Variants in MYO1E observed in about 807,000 individuals in gnomAD.
The protein encoded by MYO1E is unconventional myosin-Ie.
MYO1E carries 68 observed loss-of-function variants against 151.1 expected under a neutral mutation model. The ratio of observed to expected loss-of-function variants is 0.45; its 90% confidence interval spans 0.37 to 0.55. MYO1E has a LOEUF of 0.55. Ranked by LOEUF, MYO1E falls within the 20% of genes least tolerant of loss-of-function variation. The pLI is 0.00. For missense variants in MYO1E, 1,363 were observed against 1,389.3 expected, an observed-to-expected ratio of 0.98 and a Z score of 0.30; for synonymous variants, 601 against 501.7, an observed-to-expected ratio of 1.20 and a Z score of -2.64.
intron 7 of MYO1E, among the ~76,000 whole-genome samples, chr15:59,227,016 T>C (rs995378624): frequency 7.9e-5 from 12 of 152,228 alleles, no homozygotes; most frequent in Admixed American, 1.3e-4. Flanking sequence ...ACGCCTGCCC[T>C]GCAGGCAGGC....
chr15:59,271,999 A>G (rs1194092590), intron 2 of MYO1E, among the ~76,000 whole-genome samples: 1 of 152,274 alleles, frequency 6.6e-6, no homozygotes, highest in African/African-American at 2.4e-5. Context: ...AGCCTGAACC[A>G]AGTGATATAA....
chr15:59,141,664 G>A (rs1350883603), intron 26 of MYO1E, among the ~76,000 whole-genome samples: 2 of 152,038 alleles, frequency 1.3e-5, no homozygotes, highest in African/African-American at 4.8e-5. Flanking sequence ...TGGGCGTGAC[G>A]GTGCATGCCT....
Position 59,372,509 on chromosome 15 carries a change from G to C in MYO1E, c.-9C>G. 4 of 1,536,394 alleles carry C rather than the reference G, an allele frequency of 2.6e-6. No individual in the cohort carries two copies. The highest frequency in any genetic ancestry group is 2.5e-5 in the East Asian group (1 of 40,612). Reference sequence around the variant, plus strand: ...CGCGGCCAACTCACCATGGTGACTCGCGCCGCGGTCGCGTCTTCGCCGGGT... The same window carrying C: ...CGCGGCCAACTCACCATGGTGACTCCCGCCGCGGTCGCGTCTTCGCCGGGT... On this transcript the variant is annotated 5_prime_UTR_variant, in exon 1 of 28. Coordinates refer to ENST00000288235, the MANE Select transcript of MYO1E (RefSeq NM_004998.4).
chr15:59,144,359 G>A (rs777113360), intron 26 of MYO1E, among the ~76,000 whole-genome samples: 3 of 151,944 alleles, frequency 2.0e-5, no homozygotes, highest in East Asian at 1.9e-4. Flanking sequence ...TAGACACGGG[G>A]TTTCACTATG....
chr15:59,203,804 G>A (rs552627026), intron 15 of MYO1E, among the ~76,000 whole-genome samples: 1 of 152,216 alleles, frequency 6.6e-6, no homozygotes, highest in Admixed American at 6.5e-5. Context: ...ATGGTGCACA[G>A]TTGGTCCATA....
intron 1 of MYO1E, among the ~76,000 whole-genome samples, chr15:59,306,608 G>A (rs2080516258): frequency 6.6e-6 from 1 of 152,256 alleles, no homozygotes; most frequent in Non-Finnish European, 1.5e-5. Context: ...TGCTAAATTT[G>A]TGAGTGCCAA....
Position 59,368,832 on chromosome 15 carries a change from G to A in MYO1E, c.3+3666C>T, listed in dbSNP as rs532192507. 2.6e-5 allele frequency among the ~76,000 whole-genome samples: 4 copies of A among 152,156 alleles called. No homozygotes were observed. In the South Asian group the frequency reaches 8.3e-4, roughly 32 times the overall value. On this transcript the variant is annotated intron_variant, in intron 1 of 27. Coordinates refer to ENST00000288235, the MANE Select transcript of MYO1E (RefSeq NM_004998.4). ...TGACTTTCAACTTCAGTAAATGTCT[G>A]CTTCTTATACTTCTCCATCCCTCTC...
chr15:59,142,062 G>A lies in MYO1E; in HGVS notation c.3081-3695C>T, dbSNP rs146844130. Among the ~76,000 whole-genome samples the A allele has an allele frequency of 9.6e-3, 1,459 of 151,818 alleles. 27 individuals are homozygous for A. The highest frequency in any genetic ancestry group is 0.037 in the East Asian group (189 of 5,138). The stretch of plus-strand genomic sequence containing the variant: ...GCGGAGCTTGCAGTGAGCCGAGAGC[G>A]TGCCACTGCACTCCAGCCTGGGAAA... On this transcript the variant is annotated intron_variant, in intron 26 of 27. Transcript: ENST00000288235.
chr15:59,251,631 G>A (rs1465215353), intron 4 of MYO1E, among the ~76,000 whole-genome samples: 1 of 152,118 alleles, frequency 6.6e-6, no homozygotes, highest in Non-Finnish European at 1.5e-5. Context: ...AAATATTTAG[G>A]GGTAAAATGT....
At chr15:59,295,932 T>G (rs1596404819) in intron 1 of MYO1E, among the ~76,000 whole-genome samples, 2 of 152,290 alleles carry the variant, frequency 1.3e-5, no homozygotes, top group South Asian at 2.1e-4. Flanking sequence ...TCCCTCTGTG[T>G]GCTCAATCTC....
At chr15:59,281,420 C>T (rs747629485) in intron 1 of MYO1E, among the ~76,000 whole-genome samples, 7 of 151,994 alleles carry the variant, frequency 4.6e-5, no homozygotes, top group Non-Finnish European at 1.0e-4. Flanking sequence ...GGACTACAGG[C>T]GTGCACTACC....
intron 18 of MYO1E, among the ~76,000 whole-genome samples, chr15:59,181,664 G>C (rs1354206136): frequency 2.0e-5 from 3 of 152,188 alleles, no homozygotes; most frequent in African/African-American, 7.2e-5. Context: ...GAGAGGAAAC[G>C]AACACACACT....
chr15:59,349,292 T>C (rs111644269), intron 1 of MYO1E, among the ~76,000 whole-genome samples: 1,724 of 152,324 alleles, frequency 0.011, 29 homozygotes, highest in African/African-American at 0.036. Context: ...GCAATTATAA[T>C]TTTCTAATGA....
Position 59,137,293 on chromosome 15 carries a change from G to T in MYO1E, c.*87C>A. 1 of 1,204,384 alleles carries T rather than the reference G, an allele frequency of 8.3e-7. No homozygotes were observed. Among genetic ancestry groups the T allele is most frequent in the South Asian group, 1.2e-5 (1 of 81,876 alleles). 74.6% of individuals were successfully genotyped at this position (1,204,384 alleles called of 1,614,324 possible). The stretch of plus-strand genomic sequence containing the variant: ...GGCCTTGGAGAAGCAATTGCTCATT[G>T]TGGATTGTAAGGGGAGCCCCTAAAT... On this transcript the variant is annotated 3_prime_UTR_variant, in exon 28 of 28. Transcript: ENST00000288235.
chr15:59,270,625 TA>T (rs1291988342), intron 2 of MYO1E, among the ~76,000 whole-genome samples: 1 of 151,862 alleles, frequency 6.6e-6, no homozygotes, highest in African/African-American at 2.4e-5. Context: ...ATTTGTCATT[TA>T]AAAATACAAT....
chr15:59,371,919 T>A (rs375234835), intron 1 of MYO1E, among the ~76,000 whole-genome samples: 1 of 150,530 alleles, frequency 6.6e-6, no homozygotes, highest in African/African-American at 2.4e-5. Flanking sequence ...CCGCCTGCCT[T>A]TGTGCGGCCC....
chr15:59,258,426 G>A (rs1406734904), intron 3 of MYO1E, among the ~76,000 whole-genome samples: 1 of 152,236 alleles, frequency 6.6e-6, no homozygotes, highest in African/African-American at 2.4e-5. Flanking sequence ...TTACAGATTA[G>A]TTTAGAATTT....
At chr15:59,209,077 G>T (rs1036901050) in intron 13 of MYO1E, 2 of 594,868 alleles carry the variant, frequency 3.4e-6, no homozygotes, top group Non-Finnish European at 6.0e-6. Context: ...TTAACTCCCT[G>T]AAGTTTTATC....
intron 1 of MYO1E, among the ~76,000 whole-genome samples, chr15:59,303,541 G>T (rs140217144): frequency 2.2e-3 from 328 of 152,120 alleles, no homozygotes; most frequent in South Asian, 4.8e-3. Flanking sequence ...AATAAAGAAA[G>T]AAATAAATAA....
Sources: allele counts gnomAD v4.1 joint callset (sites outside exome capture counted in the v4.1 genomes callset), GRCh38; gene constraint gnomAD v4.1.1; transcripts MANE v1.5; gene names NCBI Gene and HGNC (gene_info 2026-07-23, HGNC 2026-07-21).